The following DAOA variants were observed in gnomAD, a reference collection of about 807,000 sequenced individuals.
DAOA encodes D-amino acid oxidase regulator.
DAOA carries 15 observed loss-of-function variants against 16.4 expected under a neutral mutation model. The observed-to-expected ratio is 0.91, with a 90% CI of 0.61 to 1.41. The LOEUF is 1.41. DAOA is among the 40% of genes most tolerant of loss of function. The pLI is 0.00. For synonymous variants in DAOA, 75 were observed against 59.1 expected, an observed-to-expected ratio of 1.27 and a Z score of -1.23; for missense variants, 230 against 176.8, an observed-to-expected ratio of 1.30 and a Z score of -1.71.
intron 4 of DAOA, among the ~76,000 whole-genome samples, chr13:105,489,530 C>T (rs1594122115): frequency 6.6e-6 from 1 of 152,306 alleles, no homozygotes. Context: ...AATGGCTTCT[C>T]CCAATAAGTA....
At chr13:105,477,295 G>A (rs1432899292) in intron 4 of DAOA, 1 of 152,162 alleles carries the variant, frequency 6.6e-6, no homozygotes, top group Admixed American at 6.5e-5. Flanking sequence ...CTATCAGATA[G>A]AGTTTCTACT....
chr13:105,466,027 A>G (rs1256727253), upstream of DAOA: 3 of 384,850 alleles, frequency 7.8e-6, no homozygotes, highest in South Asian at 1.3e-4. Flanking sequence ...CTGAATGGAA[A>G]GCCAGAAAGT....
intron 2 of DAOA, 66 bp from the exon 3 acceptor site, chr13:105,466,987 A>G: frequency 6.6e-7 from 1 of 1,519,992 alleles, no homozygotes; most frequent in East Asian, 2.4e-5. Flanking sequence ...GATGTTGCTT[A>G]TTCTTTCTCT....
At chr13:105,466,185 A>C in intron 1 of DAOA, 31 bp from the exon 2 acceptor site, 1 of 1,557,170 alleles carries the variant, frequency 6.4e-7, no homozygotes, top group Admixed American at 1.8e-5. Context: ...GTAAAAGCTT[A>C]CTAGTGTATA....
At position 105,490,212 on chromosome 13, in the gene DAOA, T is replaced by TATATTTTTATGA; in HGVS notation, c.*111+34_*111+45dup. 1 of 1,095,618 alleles carries TATATTTTTATGA rather than the reference T, an allele frequency of 9.1e-7. No homozygotes were observed. Among genetic ancestry groups the TATATTTTTATGA allele is most frequent in the Non-Finnish European group, 1.2e-6 (1 of 868,968 alleles). 67.9% of individuals were successfully genotyped at this position (1,095,618 alleles called of 1,614,324 possible). A position where few individuals can be genotyped will look rare whatever the true frequency, so the allele number is the denominator to read the frequency against. Reference sequence around the variant, plus strand: ...CACGTGGTAATATGTTTTATAAAATTATATTTTTATGAATATTTTTATGAA... The same window carrying TATATTTTTATGA: ...CACGTGGTAATATGTTTTATAAAATTATATTTTTATGAATATTTTTATGAATATTTTTATGAA... On this transcript the variant is annotated intron_variant, in intron 5 of 5. Coordinates refer to ENST00000375936, the MANE Select transcript of DAOA (RefSeq NM_172370.5).
intron 4 of DAOA, among the ~76,000 whole-genome samples, chr13:105,489,485 A>G (rs1200725324): frequency 6.6e-6 from 1 of 152,152 alleles, no homozygotes; most frequent in Non-Finnish European, 1.5e-5. Context: ...GTATATCTGT[A>G]TTTTTAAATT....
chr13:105,471,447 C>A (rs756223770), intron 3 of DAOA, among the ~76,000 whole-genome samples: 2 of 152,100 alleles, frequency 1.3e-5, no homozygotes, highest in Non-Finnish European at 2.9e-5. Context: ...ACCAAGAGGG[C>A]TTCTAGGAAA....
rs368637653 is a variant in DAOA at position 105,478,405 on chromosome 13, A to G, written c.281+5720A>G. Among the ~76,000 whole-genome samples, 26 of 152,348 alleles carry G rather than the reference A, an allele frequency of 1.7e-4. No individual in the cohort carries two copies. In the East Asian group the frequency reaches 5.0e-3, roughly 29 times the overall value. On this transcript the variant is annotated intron_variant, in intron 4 of 5. Coordinates refer to ENST00000375936, the MANE Select transcript of DAOA (RefSeq NM_172370.5). ...ACCTGTACTAATTTTCCAACTGAACAGAGCAGATGCATACTCACCCATTTG... is the reference window on the plus strand; with the variant it reads ...ACCTGTACTAATTTTCCAACTGAACGGAGCAGATGCATACTCACCCATTTG...
chr13:105,478,782 A>G (rs1251510226), intron 4 of DAOA, among the ~76,000 whole-genome samples: 1 of 152,190 alleles, frequency 6.6e-6, no homozygotes, highest in Admixed American at 6.5e-5. Context: ...CCAAGAGTCT[A>G]TGTTCCCTGA....
chr13:105,481,141 T>G (rs1415104471), intron 4 of DAOA, among the ~76,000 whole-genome samples: 1 of 152,188 alleles, frequency 6.6e-6, no homozygotes, highest in Admixed American at 6.5e-5. Flanking sequence ...TTGAACTCCT[T>G]GGAAACATAT....
intron 4 of DAOA, among the ~76,000 whole-genome samples, chr13:105,481,237 G>C (rs563739440): frequency 1.1e-3 from 167 of 152,164 alleles, no homozygotes; most frequent in Non-Finnish European, 1.1e-3. Context: ...GTCAGGACCT[G>C]TGAAAATAGT....
At chr13:105,486,191 C>G (rs1878094925) in intron 4 of DAOA, among the ~76,000 whole-genome samples, 2 of 152,100 alleles carry the variant, frequency 1.3e-5, no homozygotes, top group African/African-American at 4.8e-5. Context: ...AAAACATGAT[C>G]TAAATGGACC....
intron 4 of DAOA, among the ~76,000 whole-genome samples, chr13:105,480,497 T>A (rs1034105629): frequency 1.3e-5 from 2 of 150,300 alleles, no homozygotes; most frequent in Non-Finnish European, 2.9e-5. Flanking sequence ...AGATAATAGA[T>A]ACATAGATGG....
Position 105,472,637 on chromosome 13 carries a change from A to G in DAOA, c.233A>G (p.Gln78Arg), listed in dbSNP as rs1261261261. Residue 78 changes from glutamine (Q) to arginine (R), a missense_variant, in exon 4 of 6, where the codon CAG (glutamine) becomes CGG (arginine). Transcript: ENST00000375936. Reference protein sequence around the residue: ...GYLEMAQRHLQRSLCPWVSYL... With the variant: ...GYLEMAQRHLRRSLCPWVSYL... Reference sequence around the variant, plus strand: ...TTGGAAATGGCACAGAGGCATTTACAGAGATCATTATGTCCTTGGGTCTCT... The same window carrying G: ...TTGGAAATGGCACAGAGGCATTTACGGAGATCATTATGTCCTTGGGTCTCT... The G allele has an allele frequency of 6.2e-7, 1 of 1,614,002 alleles. No homozygotes were observed. The highest frequency in any genetic ancestry group is 2.2e-5 in the East Asian group (1 of 44,858).
intron 4 of DAOA, among the ~76,000 whole-genome samples, chr13:105,487,271 C>G (rs1878185086): frequency 6.6e-6 from 1 of 152,122 alleles, no homozygotes. Flanking sequence ...TCATGGTGCA[C>G]TCCTCTCCTT....
intron 4 of DAOA, among the ~76,000 whole-genome samples, chr13:105,484,020 C>T (rs1877938530): frequency 6.6e-6 from 1 of 152,096 alleles, no homozygotes. Context: ...AAAGATTTTA[C>T]ACCAACATCT....
chr13:105,475,157 C>A (rs1483105925), intron 4 of DAOA: 5 of 498,770 alleles, frequency 1.0e-5, no homozygotes, highest in African/African-American at 2.1e-5. Context: ...GACTCCTGGG[C>A]CTTCATTCTT....
chr13:105,466,214 A>T lies in DAOA; in HGVS notation c.-73-2A>T. On this transcript the variant is annotated splice_acceptor_variant, in intron 1 of 5. Coordinates refer to ENST00000375936, the MANE Select transcript of DAOA (RefSeq NM_172370.5). LOFTEE classifies it low-confidence loss of function (5UTR_SPLICE). The stretch of plus-strand genomic sequence containing the variant: ...GTGTATATGATGATTCTGTTGGTCC[A>T]GGATTTGGAAAGGGCATGGCAGGAG... 6.2e-7 allele frequency: 1 copy of T among 1,606,946 alleles called. No individual in the cohort carries two copies. Among genetic ancestry groups the T allele is most frequent in the Non-Finnish European group, 8.5e-7 (1 of 1,176,142 alleles).
intron 4 of DAOA, chr13:105,474,922 A>C (rs1473847505): frequency 1.5e-6 from 1 of 654,984 alleles, no homozygotes; most frequent in Admixed American, 6.3e-5. Flanking sequence ...ATCTGAAATT[A>C]AGCAGAAGAT....
Sources: gnomAD v4.1 joint callset for allele counts (sites outside exome capture counted in the v4.1 genomes callset) on GRCh38, gnomAD v4.1.1 for gene constraint, MANE v1.5 for transcripts, NCBI Gene and HGNC (gene_info 2026-07-23, HGNC 2026-07-21) for gene names.